The following PHC3 variants were observed in gnomAD, a reference collection of about 807,000 sequenced individuals.
The protein encoded by PHC3 is polyhomeotic-like protein 3.
In PHC3, 13 loss-of-function variants were observed where a neutral mutation model predicts 107.4. The ratio of observed to expected loss-of-function variants is 0.12; its 90% confidence interval spans 0.08 to 0.19. The LOEUF (loss-of-function observed/expected upper bound fraction) is 0.19, where lower values mean the gene tolerates loss of function less well. Among genes scored for constraint, PHC3 ranks in the 10% least tolerant of loss-of-function variants. PHC3 has a pLI of 1.00. For missense variants in PHC3, 992 were observed against 1,210.9 expected (o/e 0.82, Z 2.68); for synonymous variants, 456 against 427.4 (o/e 1.07, Z -0.83).
chr3:170,136,465 G>A lies in PHC3; in HGVS notation c.873C>T (p.Ser291=). ...TACTTGATGTCCGGGTGACAGCTGT[G>A]CTTCGTGATTCCAGGCTTGGGCTCT... ...KGESPSLESR[S]TAVTRTSSIH... is the part of the protein sequence containing the mutation. Residue 291 remains serine, a synonymous_variant, in exon 7 of 15, where the codon AGC becomes AGT. Coordinates refer to ENST00000495893, the MANE Select transcript of PHC3 (RefSeq NM_024947.4). 6.2e-7 allele frequency: 1 copy of A among 1,604,816 alleles called. No homozygotes were observed.
At chr3:170,167,220 C>G (rs1728875612) in intron 4 of PHC3, among the ~76,000 whole-genome samples, 1 of 152,170 alleles carries the variant, frequency 6.6e-6, no homozygotes, top group Non-Finnish European at 1.5e-5. Flanking sequence ...ATGATCTCAG[C>G]TCACGGCAGC....
chr3:170,096,314 T>G lies in PHC3; in HGVS notation c.*916A>C, dbSNP rs1057473447. 1 of 152,132 alleles carries G rather than the reference T, an allele frequency of 6.6e-6. No individual in the cohort carries two copies. The highest frequency in any genetic ancestry group is 1.5e-5 in the Non-Finnish European group (1 of 68,020). 9.4% of individuals were successfully genotyped at this position (152,132 alleles called of 1,614,324 possible). A position where few individuals can be genotyped will look rare whatever the true frequency, so the allele number is the denominator to read the frequency against. On this transcript the variant is annotated 3_prime_UTR_variant, in exon 15 of 15. Coordinates refer to ENST00000495893, the MANE Select transcript of PHC3 (RefSeq NM_024947.4). ...CATCCTTTAAAAGTATTCCTTTGGG[T>G]GAAAACAATATTTATCACTCCTTCT...
intron 12 of PHC3, among the ~76,000 whole-genome samples, chr3:170,103,544 T>C (rs1715886161): frequency 6.6e-6 from 1 of 152,206 alleles, no homozygotes. Context: ...TTTATCACAA[T>C]AGACTGCCTA....
chr3:170,143,767 A>G (rs1724490249), intron 6 of PHC3, among the ~76,000 whole-genome samples: 2 of 152,170 alleles, frequency 1.3e-5, no homozygotes, highest in South Asian at 2.1e-4. Flanking sequence ...TATATACCAT[A>G]TAATTACTAC....
chr3:170,103,559 T>G (rs1050792610), intron 12 of PHC3, among the ~76,000 whole-genome samples: 2 of 152,212 alleles, frequency 1.3e-5, no homozygotes, highest in African/African-American at 4.8e-5. Flanking sequence ...TGCCTAGTAT[T>G]TTTGAACATA....
intron 1 of PHC3, among the ~76,000 whole-genome samples, chr3:170,179,317 A>C (rs921678282): frequency 6.6e-6 from 1 of 152,216 alleles, no homozygotes; most frequent in African/African-American, 2.4e-5. Context: ...ATTTCTTTAC[A>C]TTCTTTTGAC....
chr3:170,132,812 T>A (rs907303285), intron 7 of PHC3, among the ~76,000 whole-genome samples: 3 of 152,228 alleles, frequency 2.0e-5, no homozygotes, highest in Admixed American at 2.0e-4. Flanking sequence ...AAAAACAGTA[T>A]ATATTTTTTC....
chr3:170,167,621 A>G (rs1728932088), intron 4 of PHC3, among the ~76,000 whole-genome samples: 1 of 152,046 alleles, frequency 6.6e-6, no homozygotes, highest in Non-Finnish European at 1.5e-5. Flanking sequence ...TTAGCCGGGC[A>G]TGGTGGCGTA....
At chr3:170,171,702 G>T (rs948304485) in intron 3 of PHC3, among the ~76,000 whole-genome samples, 4 of 152,042 alleles carry the variant, frequency 2.6e-5, no homozygotes, top group African/African-American at 9.7e-5. Flanking sequence ...TCACTTTATG[G>T]GTCTCTGTCA....
chr3:170,118,480 C>T (rs368221824), intron 9 of PHC3, among the ~76,000 whole-genome samples: 2 of 152,156 alleles, frequency 1.3e-5, no homozygotes, highest in East Asian at 1.9e-4. Context: ...GGCACGATCT[C>T]GGCTCACTGC....
At chr3:170,111,449 G>C (rs1331305932) in intron 11 of PHC3, among the ~76,000 whole-genome samples, 1 of 151,124 alleles carries the variant, frequency 6.6e-6, no homozygotes, top group Non-Finnish European at 1.5e-5. Flanking sequence ...GGAAAGAGAA[G>C]AGAAGAGAGG....
At chr3:170,181,516 G>A (rs1416754695) in intron 1 of PHC3, among the ~76,000 whole-genome samples, 186 bp downstream of exon 1, 2 of 152,142 alleles carry the variant, frequency 1.3e-5, no homozygotes, top group Non-Finnish European at 2.9e-5. Flanking sequence ...GAGGGTAACT[G>A]GACCCTAGAG....
chr3:170,177,929 CCA>C (rs1730742845), intron 2 of PHC3, among the ~76,000 whole-genome samples: 1 of 152,070 alleles, frequency 6.6e-6, no homozygotes, highest in Admixed American at 6.5e-5. Context: ...CCTTGGTCTC[CCA>C]CAGTGTTGGG....
chr3:170,097,107 G>T lies in PHC3; in HGVS notation c.*123C>A. On this transcript the variant is annotated 3_prime_UTR_variant, in exon 15 of 15. Transcript: ENST00000495893. This position sits in a 1 kb window ranked among gnomAD's most constrained non-coding sequence, Gnocchi z 4.1. ...AAGAAATGTCAGTATTTGATGTGGAGATCCCAATGTGCTTGGCTATCCACC... is the reference window on the plus strand; with the variant it reads ...AAGAAATGTCAGTATTTGATGTGGATATCCCAATGTGCTTGGCTATCCACC... 1.3e-6 allele frequency: 1 copy of T among 787,508 alleles called. No individual in the cohort carries two copies. The highest frequency in any genetic ancestry group is 1.9e-6 in the Non-Finnish European group (1 of 532,296). The allele number at this position is 787,508 out of a possible 1,614,324, so 48.8% of individuals were successfully genotyped here.
intron 12 of PHC3, 78 bp downstream of exon 12, chr3:170,106,754 A>T: frequency 1.3e-6 from 1 of 751,012 alleles, no homozygotes. Flanking sequence ...TATCCTTGGT[A>T]AGCTATTCAA....
At chr3:170,159,723 A>G (rs527859903) in intron 4 of PHC3, among the ~76,000 whole-genome samples, 1 of 152,306 alleles carries the variant, frequency 6.6e-6, no homozygotes, top group East Asian at 1.9e-4. Flanking sequence ...CATTGCCATG[A>G]AACTACAAAA....
chr3:170,097,002 A>G lies in PHC3; in HGVS notation c.*228T>C. 1 of 367,120 alleles carries G rather than the reference A, an allele frequency of 2.7e-6. No individual in the cohort carries two copies. Among genetic ancestry groups the G allele is most frequent in the South Asian group, 1.2e-4 (1 of 8,440 alleles). 22.7% of individuals were successfully genotyped at this position (367,120 alleles called of 1,614,324 possible). On this transcript the variant is annotated 3_prime_UTR_variant, in exon 15 of 15. Transcript: ENST00000495893. The surrounding 1 kb of genome is among the most constrained non-coding windows in gnomAD (Gnocchi z 4.1). ...ATGGCCCTCTGTAACAAGTCTTTCAATGTTTCATGTAACCTGTAAAATTAA... is the reference window on the plus strand; with the variant it reads ...ATGGCCCTCTGTAACAAGTCTTTCAGTGTTTCATGTAACCTGTAAAATTAA...
Position 170,136,492 on chromosome 3 carries a change from T to A in PHC3, c.846A>T (p.Gly282=), listed in dbSNP as rs776678488. The stretch of plus-strand genomic sequence containing the variant: ...TTCGTGATTCCAGGCTTGGGCTCTC[T>A]CCTTTCTTATTACTTTCTGGAGAAG... ...RDPSPESNKK[G]ESPSLESRST... The change falls in exon 7 of 15, where the codon GGA becomes GGT. Residue 282 remains glycine (G), a synonymous_variant. Coordinates refer to ENST00000495893, the MANE Select transcript of PHC3 (RefSeq NM_024947.4). 1.4e-4 allele frequency: 219 copies of A among 1,606,344 alleles called. No homozygotes were observed. The highest frequency in any genetic ancestry group is 2.4e-5 in the Non-Finnish European group (28 of 1,176,744).
At chr3:170,138,613 C>G (rs907319237) in intron 6 of PHC3, among the ~76,000 whole-genome samples, 1 of 149,918 alleles carries the variant, frequency 6.7e-6, no homozygotes, top group Non-Finnish European at 1.5e-5. Flanking sequence ...TTGCTTGAAA[C>G]CCGGAGGCAG....
Sources: gnomAD v4.1 joint callset for allele counts (sites outside exome capture counted in the v4.1 genomes callset) on GRCh38, gnomAD v4.1.1 for gene constraint, Gnocchi (gnomAD v3.1) non-coding constraint, MANE v1.5 for transcripts, NCBI Gene and HGNC (gene_info 2026-07-23, HGNC 2026-07-21) for gene names.